The following SLC41A2 variants were observed in gnomAD, a reference collection of about 807,000 sequenced individuals.
SLC41A2 encodes SLC41A1-like 1.
In SLC41A2, 32 loss-of-function variants were observed where a neutral mutation model predicts 58.3. The ratio of observed to expected loss-of-function variants is 0.55; its 90% CI spans 0.41 to 0.74. The LOEUF is 0.74. Among genes scored for constraint, SLC41A2 ranks in the 30% least tolerant of loss-of-function variants. The pLI, the probability that SLC41A2 is intolerant of heterozygous loss-of-function variation, is 0.00. For missense variants in SLC41A2, 514 were observed against 680.6 expected (o/e 0.76, Z 2.72); for synonymous variants, 190 against 235.0 (o/e 0.81, Z 1.75).
rs562967058 is a variant in SLC41A2, at chr12:104,935,991, C to A, written c.-167-7297G>T. On this transcript the variant is annotated intron_variant, in intron 1 of 10. Transcript: ENST00000258538. Reference sequence around the variant, plus strand: ...CCAGGAGGCAGAGGTTGCAGTGAGCCAAGGTTACACCACTGCACTCCAGCC... The same window carrying A: ...CCAGGAGGCAGAGGTTGCAGTGAGCAAAGGTTACACCACTGCACTCCAGCC... 4.0e-5 allele frequency among the ~76,000 whole-genome samples: 6 copies of A among 150,994 alleles called. No homozygotes were observed. In the South Asian group the frequency reaches 1.3e-3, roughly 32 times the overall value.
At chr12:104,953,505 A>G (rs2048032709) in intron 1 of SLC41A2, among the ~76,000 whole-genome samples, 2 of 152,240 alleles carry the variant, frequency 1.3e-5, no homozygotes, top group Admixed American at 6.5e-5. Flanking sequence ...CTGTTCAGAC[A>G]GGCTCCACCC....
chr12:104,828,937 G>A (rs2041946917), intron 10 of SLC41A2, among the ~76,000 whole-genome samples: 1 of 152,034 alleles, frequency 6.6e-6, no homozygotes, highest in Non-Finnish European at 1.5e-5. Context: ...TGCAAATTAT[G>A]ATCACCATGA....
At chr12:104,907,665 A>G (rs573504418) in intron 3 of SLC41A2, among the ~76,000 whole-genome samples, 1 of 152,286 alleles carries the variant, frequency 6.6e-6, no homozygotes, top group African/African-American at 2.4e-5. Flanking sequence ...CTGTGCAGGT[A>G]AAAGGAACAT....
intron 6 of SLC41A2, among the ~76,000 whole-genome samples, chr12:104,874,398 G>A (rs1373914722): frequency 6.6e-6 from 1 of 151,984 alleles, no homozygotes; most frequent in Non-Finnish European, 1.5e-5. Context: ...TTTTTGATGT[G>A]ATATCCAAAA....
At chr12:104,837,817 T>C (rs919338537) in intron 10 of SLC41A2, among the ~76,000 whole-genome samples, 13 of 152,176 alleles carry the variant, frequency 8.5e-5, no homozygotes, top group Admixed American at 8.5e-4. Context: ...CTAGGCACTC[T>C]AGCAAGTACT....
intron 1 of SLC41A2, among the ~76,000 whole-genome samples, chr12:104,954,976 T>C (rs2135996228): frequency 6.6e-6 from 1 of 151,052 alleles, no homozygotes; most frequent in Non-Finnish European, 1.5e-5. Flanking sequence ...AAGAACCTCG[T>C]CAAGTGAGTT....
intron 3 of SLC41A2, 112 bp from the exon 4 acceptor site, chr12:104,895,457 T>C (rs747158156): frequency 5.6e-6 from 4 of 710,528 alleles, no homozygotes; most frequent in Middle Eastern, 3.7e-4. Flanking sequence ...GTAAATCCAA[T>C]GAGCTCACAT....
At chr12:104,844,334 TAAG>T (rs2042525992) in intron 10 of SLC41A2, 135 bp downstream of exon 10, 1 of 481,336 alleles carries the variant, frequency 2.1e-6, no homozygotes, top group Non-Finnish European at 3.5e-6. Flanking sequence ...TTATTGGTTT[TAAG>T]AAGATCAAAT....
At chr12:104,877,293 A>T (rs1018189659) in intron 6 of SLC41A2, among the ~76,000 whole-genome samples, 2 of 152,218 alleles carry the variant, frequency 1.3e-5, no homozygotes, top group Non-Finnish European at 1.5e-5. Context: ...TGATCTTAGG[A>T]GGCCCCCTAG....
chr12:104,825,645 C>T (rs1333767538), intron 10 of SLC41A2, among the ~76,000 whole-genome samples: 1 of 152,170 alleles, frequency 6.6e-6, no homozygotes, highest in Admixed American at 6.5e-5. Context: ...CAGCAGGGCT[C>T]ATTTGAGACA....
intron 10 of SLC41A2, among the ~76,000 whole-genome samples, chr12:104,813,094 G>A (rs1360457180): frequency 6.6e-5 from 10 of 152,002 alleles, no homozygotes; most frequent in Non-Finnish European, 1.2e-4. Context: ...CAGGAGAATC[G>A]CTTGAACCCA....
At chr12:104,899,967 T>C (rs1213559262) in intron 3 of SLC41A2, among the ~76,000 whole-genome samples, 1 of 152,184 alleles carries the variant, frequency 6.6e-6, no homozygotes, top group African/African-American at 2.4e-5. Flanking sequence ...CTTTAGTACT[T>C]GGTCACAGAT....
chr12:104,829,563 T>C (rs1592952796), intron 10 of SLC41A2, among the ~76,000 whole-genome samples: 1 of 151,930 alleles, frequency 6.6e-6, no homozygotes, highest in Admixed American at 6.6e-5. Context: ...ATGTTGATTA[T>C]GGTAGTCATT....
At chr12:104,810,187 A>G (rs954554178) in intron 10 of SLC41A2, among the ~76,000 whole-genome samples, 1 of 152,174 alleles carries the variant, frequency 6.6e-6, no homozygotes, top group Non-Finnish European at 1.5e-5. Flanking sequence ...GACCAAAAGC[A>G]GAACTTAAAA....
At chr12:104,945,501 AAAAAAAAG>A (rs1439625637) in intron 1 of SLC41A2, among the ~76,000 whole-genome samples, 3 of 151,968 alleles carry the variant, frequency 2.0e-5, no homozygotes, top group Admixed American at 6.6e-5. Context: ...CTCCGCCTCA[AAAAAAAAG>A]AAAAAAAGAA....
At chr12:104,893,098 C>T (rs184801741) in intron 4 of SLC41A2, among the ~76,000 whole-genome samples, 181 of 152,164 alleles carry the variant, frequency 1.2e-3, no homozygotes, top group African/African-American at 4.3e-3. Flanking sequence ...TTGCAAACTA[C>T]CCATCTGGCA....
In SLC41A2 at chr12:104,838,889, A is replaced by G. The variant is rs572562578; in HGVS notation, c.1536+5583T>C. 5.9e-5 allele frequency among the ~76,000 whole-genome samples: 9 copies of G among 152,340 alleles called. No individual in the cohort carries two copies. In the South Asian group the frequency reaches 1.2e-3, roughly 21 times the overall value. On this transcript the variant is annotated intron_variant, in intron 10 of 10. Coordinates refer to ENST00000258538, the MANE Select transcript of SLC41A2 (RefSeq NM_001352171.3). Reference sequence around the variant, plus strand: ...CAGTGACTACCACAGTAGTTGGCACACTATATGTACTATATACTTGACAAA... The same window carrying G: ...CAGTGACTACCACAGTAGTTGGCACGCTATATGTACTATATACTTGACAAA...
At chr12:104,854,427 G>A (rs191171130) in intron 8 of SLC41A2, among the ~76,000 whole-genome samples, 46 of 152,262 alleles carry the variant, frequency 3.0e-4, no homozygotes, top group Admixed American at 7.8e-4. Flanking sequence ...GCCGGGCGTG[G>A]CGGCGGGCGA....
chr12:104,808,676 G>A (rs1175165929), intron 10 of SLC41A2, among the ~76,000 whole-genome samples: 2 of 152,110 alleles, frequency 1.3e-5, no homozygotes, highest in East Asian at 1.9e-4. Flanking sequence ...GGTGGAATTC[G>A]GCTGTGAATC....
Sources: gnomAD v4.1 joint callset for allele counts (sites outside exome capture counted in the v4.1 genomes callset) on GRCh38, gnomAD v4.1.1 for gene constraint, MANE v1.5 for transcripts, NCBI Gene and HGNC (gene_info 2026-07-23, HGNC 2026-07-21) for gene names.